TRIP4: variants seen among roughly 807,000 people sequenced by gnomAD.
TRIP4 encodes the protein activating signal cointegrator 1.
Under a neutral mutation model 81.8 loss-of-function variants are expected in TRIP4, and 54 were observed. The ratio of observed to expected loss-of-function variants is 0.66; its 90% CI spans 0.53 to 0.83. TRIP4 has a LOEUF of 0.83. Among genes scored for constraint, TRIP4 ranks in the 40% least tolerant of loss-of-function variants. TRIP4 has a pLI of 0.00. For synonymous variants in TRIP4, 270 were observed against 242.8 expected (o/e 1.11, Z -1.04); for missense variants, 662 against 683.6 (o/e 0.97, Z 0.35).
intron 8 of TRIP4, among the ~76,000 whole-genome samples, chr15:64,416,463 C>T (rs1363825534): frequency 1.3e-5 from 2 of 152,100 alleles, no homozygotes; most frequent in Non-Finnish European, 2.9e-5. Context: ...TGGCTCACGT[C>T]TGTAATCCTA....
intron 11 of TRIP4, 92 bp downstream of exon 11, chr15:64,425,723 A>G: frequency 1.0e-6 from 1 of 959,062 alleles, no homozygotes; most frequent in Non-Finnish European, 1.5e-6. Flanking sequence ...TGGGCCTCTT[A>G]AAAGTGCTGG....
intron 11 of TRIP4, among the ~76,000 whole-genome samples, chr15:64,427,227 A>G (rs1396949382): frequency 6.6e-6 from 1 of 152,192 alleles, no homozygotes; most frequent in Non-Finnish European, 1.5e-5. Flanking sequence ...GCTTTAGATA[A>G]TAGGGCTTCC....
intron 5 of TRIP4, 135 bp from the exon 6 acceptor site, chr15:64,406,195 G>A: frequency 9.4e-7 from 1 of 1,058,328 alleles, no homozygotes; most frequent in South Asian, 1.6e-5. Context: ...CTGTGTACTT[G>A]TTTTCTGTTG....
At chr15:64,397,043 T>C (rs564977455) in intron 3 of TRIP4, among the ~76,000 whole-genome samples, 1 of 152,364 alleles carries the variant, frequency 6.6e-6, no homozygotes, top group African/African-American at 2.4e-5. Flanking sequence ...AGGATATCTT[T>C]TGTTATGAAG....
At chr15:64,425,722 TA>T in intron 11 of TRIP4, 91 bp downstream of exon 11, 1 of 964,658 alleles carries the variant, frequency 1.0e-6, no homozygotes, top group Non-Finnish European at 1.5e-6. Context: ...CTGGGCCTCT[TA>T]AAAGTGCTGG....
intron 11 of TRIP4, among the ~76,000 whole-genome samples, chr15:64,429,395 T>C (rs1892221545): frequency 6.6e-6 from 1 of 152,320 alleles, no homozygotes; most frequent in South Asian, 2.1e-4. Context: ...GTTTTCTGAA[T>C]GAATGAGTTG....
intron 10 of TRIP4, among the ~76,000 whole-genome samples, chr15:64,424,963 G>A (rs1892106742): frequency 6.6e-6 from 1 of 152,076 alleles, no homozygotes; most frequent in Non-Finnish European, 1.5e-5. Context: ...TTTTAGTAGA[G>A]ACAGGGTTTC....
rs1159985587 is a variant in TRIP4 at position 64,395,371 on chromosome 15, TGTA to T, written c.272-26_272-24del. On this transcript the variant is annotated intron_variant, in intron 2 of 12. Transcript: ENST00000261884. ...ATCCTCTTATCAATCTGTGTGTGTG[TGTA>T]TTTTTTTTTTTCTATCTTTAAAGAA... 1.9e-6 allele frequency: 3 copies of T among 1,592,234 alleles called. No homozygotes were observed. In the African/African-American group the frequency reaches 4.1e-5, roughly 22 times the overall value.
intron 11 of TRIP4, among the ~76,000 whole-genome samples, chr15:64,430,083 G>C (rs1892234919): frequency 1.3e-5 from 2 of 152,192 alleles, no homozygotes; most frequent in Admixed American, 6.5e-5. Context: ...GGTTTTGTTA[G>C]TGGTTGTTTT....
intron 2 of TRIP4, 101 bp downstream of exon 2, chr15:64,394,216 C>A: frequency 2.7e-6 from 3 of 1,092,476 alleles, no homozygotes; most frequent in Admixed American, 3.4e-5. Context: ...TGTTTCTTCA[C>A]AGCTAACTTA....
At chr15:64,410,811 T>A (rs1318687372) in intron 7 of TRIP4, among the ~76,000 whole-genome samples, 4 of 152,132 alleles carry the variant, frequency 2.6e-5, no homozygotes, top group Non-Finnish European at 1.5e-5. Context: ...ACAATATCCA[T>A]ACTATATAAG....
intron 11 of TRIP4, among the ~76,000 whole-genome samples, chr15:64,442,413 C>T (rs1018499113): frequency 4.6e-5 from 7 of 152,062 alleles, no homozygotes; most frequent in African/African-American, 1.2e-4. Context: ...CTGTTGCCCA[C>T]GCTAGAGTGT....
chr15:64,450,410 A>G (rs1191635294), intron 12 of TRIP4, among the ~76,000 whole-genome samples: 23 of 150,620 alleles, frequency 1.5e-4, no homozygotes, highest in Non-Finnish European at 2.7e-4. Context: ...AAAAAAAAAA[A>G]AAAAGAAAGA....
intron 12 of TRIP4, among the ~76,000 whole-genome samples, chr15:64,449,932 C>G (rs1408310951): frequency 6.6e-6 from 1 of 152,172 alleles, no homozygotes; most frequent in Non-Finnish European, 1.5e-5. Context: ...GCTGCACATG[C>G]ATTTGACTTT....
chr15:64,424,585 T>A (rs1054645772), intron 10 of TRIP4, among the ~76,000 whole-genome samples: 1 of 152,194 alleles, frequency 6.6e-6, no homozygotes, highest in Admixed American at 6.5e-5. Context: ...ACCCCAAGAA[T>A]ACTAACTTTG....
At chr15:64,391,471 T>C (rs1022072091) in intron 1 of TRIP4, among the ~76,000 whole-genome samples, 6 of 152,004 alleles carry the variant, frequency 3.9e-5, no homozygotes, top group Non-Finnish European at 7.4e-5. Context: ...TTCTAATTAG[T>C]GATACATTTA....
At chr15:64,413,200 T>C (rs1054084827) in intron 7 of TRIP4, among the ~76,000 whole-genome samples, 1 of 149,746 alleles carries the variant, frequency 6.7e-6, no homozygotes, top group African/African-American at 2.4e-5. Flanking sequence ...CCTAGGCAAC[T>C]TTTTTTTTTC....
rs921047525 is a variant in TRIP4, at chr15:64,387,982, C to G, written c.101+18C>G. On this transcript the variant is annotated intron_variant, in intron 1 of 12. Transcript: ENST00000261884. ...ATCATTCAGTGAGAACAGTTCGGGTCCAAGCGGGGAAGGAGCTCTGGGATG... is the reference window on the plus strand; with the variant it reads ...ATCATTCAGTGAGAACAGTTCGGGTGCAAGCGGGGAAGGAGCTCTGGGATG... The G allele has an allele frequency of 6.5e-7, 1 of 1,542,828 alleles. No individual in the cohort carries two copies. Among genetic ancestry groups the G allele is most frequent in the Non-Finnish European group, 8.8e-7 (1 of 1,141,896 alleles).
chr15:64,437,395 C>T (rs1373084136), intron 11 of TRIP4, among the ~76,000 whole-genome samples: 6 of 150,780 alleles, frequency 4.0e-5, no homozygotes, highest in East Asian at 4.0e-4. Context: ...CCAACCTGGG[C>T]GACAGGGTGA....
Sources: allele counts gnomAD v4.1 joint callset (sites outside exome capture counted in the v4.1 genomes callset), GRCh38; gene constraint gnomAD v4.1.1; transcripts MANE v1.5; gene names NCBI Gene and HGNC (gene_info 2026-07-23, HGNC 2026-07-21).